TCF12: variants seen among roughly 807,000 people sequenced by gnomAD.
TCF12 encodes transcription factor 12, also known as DNA-binding protein HTF4.
TCF12 carries 45 observed loss-of-function variants against 86.0 expected under a neutral mutation model. The ratio of observed to expected loss-of-function variants is 0.52; its 90% CI spans 0.41 to 0.67. TCF12 has a LOEUF of 0.67. TCF12 is among the 30% of genes least tolerant of loss of function. The pLI, the probability that TCF12 is intolerant of heterozygous loss-of-function variation, is 0.00. For missense variants in TCF12, 881 were observed against 859.9 expected (o/e 1.02, Z -0.31); for synonymous variants, 330 against 299.6 (o/e 1.10, Z -1.05).
intron 5 of TCF12, chr15:57,129,686 A>G (rs1374785535): frequency 2.6e-5 from 4 of 152,216 alleles, no homozygotes; most frequent in African/African-American, 9.7e-5. Flanking sequence ...TTTGAGAATG[A>G]TGTAATAAAA....
chr15:57,105,186 C>T (rs1416651256), intron 5 of TCF12, among the ~76,000 whole-genome samples: 1 of 151,524 alleles, frequency 6.6e-6, no homozygotes, highest in Non-Finnish European at 1.5e-5. Flanking sequence ...TCTTGCTGGT[C>T]TTTATCTTCC....
intron 5 of TCF12, among the ~76,000 whole-genome samples, chr15:57,107,162 C>T (rs1454967213): frequency 6.6e-6 from 1 of 152,078 alleles, no homozygotes; most frequent in Non-Finnish European, 1.5e-5. Flanking sequence ...TGGAAACCAC[C>T]AAGATGTCCT....
At chr15:57,187,275 A>G (rs1371105602) in intron 6 of TCF12, among the ~76,000 whole-genome samples, 1 of 152,208 alleles carries the variant, frequency 6.6e-6, no homozygotes, top group Admixed American at 6.5e-5. Context: ...TCCATTTGGT[A>G]AAGGTCATTT....
intron 3 of TCF12, among the ~76,000 whole-genome samples, chr15:57,044,039 T>A (rs1446131145): frequency 6.6e-6 from 1 of 151,912 alleles, no homozygotes; most frequent in Admixed American, 6.6e-5. Context: ...AGTAGTACAG[T>A]TTTTACATTC....
intron 5 of TCF12, among the ~76,000 whole-genome samples, chr15:57,141,957 C>T (rs1034684066): frequency 2.6e-5 from 4 of 152,082 alleles, no homozygotes; most frequent in Non-Finnish European, 4.4e-5. Context: ...GAAGCACAAA[C>T]GGGAGGAATA....
chr15:57,100,925 C>G (rs1200963850), intron 5 of TCF12, among the ~76,000 whole-genome samples: 1 of 152,106 alleles, frequency 6.6e-6, no homozygotes, highest in Non-Finnish European at 1.5e-5. Context: ...CCATTACATT[C>G]TGGTCTTTAG....
At chr15:56,950,399 C>T (rs2061211906) in intron 3 of TCF12, among the ~76,000 whole-genome samples, 1 of 151,832 alleles carries the variant, frequency 6.6e-6, no homozygotes, top group Admixed American at 6.6e-5. Flanking sequence ...TTAATTTTTG[C>T]ATTTTTAGTA....
chr15:57,016,453 C>A (rs1425542044), intron 3 of TCF12, among the ~76,000 whole-genome samples: 1 of 152,044 alleles, frequency 6.6e-6, no homozygotes, highest in African/African-American at 2.4e-5. Flanking sequence ...TGTCCAAGAC[C>A]CTAGAGGACC....
chr15:57,275,365 C>CGTGTGTGTGTGTGTGTGGGTGTGT (rs1555417715), intron 19 of TCF12, among the ~76,000 whole-genome samples: 1 of 82,422 alleles, frequency 1.2e-5, no homozygotes, highest in Non-Finnish European at 2.7e-5. Context: ...TGTGTGTGTA[C>CGTGTGTGTGTGTGTGTGGGTGTGT]GTATGTAGAG....
At chr15:57,066,116 T>C (rs970831024) in intron 4 of TCF12, among the ~76,000 whole-genome samples, 7 of 152,164 alleles carry the variant, frequency 4.6e-5, no homozygotes, top group African/African-American at 1.2e-4. Context: ...GCAACTCTTC[T>C]TGCCAAGGAG....
intron 5 of TCF12, among the ~76,000 whole-genome samples, chr15:57,123,722 C>T (rs1567468670): frequency 6.6e-6 from 1 of 151,676 alleles, no homozygotes; most frequent in Non-Finnish European, 1.5e-5. Context: ...GAGGCCGAGG[C>T]GGGTGGATCA....
chr15:57,113,387 CTCTT>C (rs2050628688), intron 5 of TCF12, among the ~76,000 whole-genome samples: 1 of 152,186 alleles, frequency 6.6e-6, no homozygotes, highest in Admixed American at 6.5e-5. Flanking sequence ...GTACACCTCT[CTCTT>C]TTTCTGCTGA....
chr15:57,204,216 C>G (rs986101895), intron 8 of TCF12, among the ~76,000 whole-genome samples: 2 of 151,784 alleles, frequency 1.3e-5, no homozygotes, highest in Non-Finnish European at 2.9e-5. Context: ...TGGGAGTATC[C>G]CCTGAATCCA....
intron 5 of TCF12, among the ~76,000 whole-genome samples, chr15:57,127,158 T>C (rs9672904): frequency 0.1 from 15,711 of 151,854 alleles, 1,208 homozygotes; most frequent in African/African-American, 0.22. Context: ...AATTTTTGTA[T>C]GTTTAGTAGA....
intron 3 of TCF12, among the ~76,000 whole-genome samples, chr15:56,946,825 G>C (rs1476097767): frequency 8.3e-6 from 1 of 121,042 alleles, no homozygotes; most frequent in Non-Finnish European, 1.7e-5. Flanking sequence ...TTTTGAGACA[G>C]AGTCTTGCTC....
intron 3 of TCF12, among the ~76,000 whole-genome samples, chr15:56,969,244 T>C (rs2140707070): frequency 6.6e-6 from 1 of 152,250 alleles, no homozygotes; most frequent in Non-Finnish European, 1.5e-5. Context: ...GATTTTGGGG[T>C]CCTGAGATCT....
At chr15:57,039,394 C>T (rs550495721) in intron 3 of TCF12, among the ~76,000 whole-genome samples, 2 of 152,262 alleles carry the variant, frequency 1.3e-5, no homozygotes, top group African/African-American at 4.8e-5. Context: ...ATTTTGTTAG[C>T]CAGTTACTTC....
chr15:56,933,935 A>G (rs1421477173), intron 3 of TCF12, among the ~76,000 whole-genome samples: 1 of 151,932 alleles, frequency 6.6e-6, no homozygotes, highest in Non-Finnish European at 1.5e-5. Flanking sequence ...AGAATGAAAT[A>G]TATATAATAT....
intron 3 of TCF12, among the ~76,000 whole-genome samples, chr15:57,004,842 A>T (rs1329909500): frequency 6.6e-6 from 1 of 152,224 alleles, no homozygotes; most frequent in Admixed American, 6.5e-5. Flanking sequence ...GGCATGAGCC[A>T]CCGCACCCGG....
Sources: allele counts gnomAD v4.1 joint callset (sites outside exome capture counted in the v4.1 genomes callset), GRCh38; gene constraint gnomAD v4.1.1; transcripts MANE v1.5; gene names NCBI Gene and HGNC (gene_info 2026-07-23, HGNC 2026-07-21).